Variants in P3H1 observed in about 807,000 individuals in gnomAD.
P3H1 encodes the protein prolyl 3-hydroxylase 1.
A neutral mutation model predicts 84.0 loss-of-function variants in P3H1; 69 were observed. That is an observed-to-expected ratio of 0.82 (90% CI 0.68 to 1.00). The LOEUF is 1.00. Ranked by LOEUF, P3H1 falls within the 50% of genes least tolerant of loss-of-function variation. P3H1 has a pLI of 0.00. For synonymous variants in P3H1, 366 were observed against 388.8 expected (o/e 0.94, Z 0.69); for missense variants, 878 against 962.8 (o/e 0.91, Z 1.17).
At chr1:42,759,135 T>G in intron 3 of P3H1, 66 bp downstream of exon 3, 1 of 1,579,724 alleles carries the variant, frequency 6.3e-7, no homozygotes, top group South Asian at 1.1e-5. Context: ...CCCATTTATA[T>G]TATCAGATGG....
chr1:42,750,730 G>GCTCC (rs1652012412), intron 10 of P3H1, among the ~76,000 whole-genome samples: 2 of 144,020 alleles, frequency 1.4e-5, no homozygotes, highest in Non-Finnish European at 3.1e-5. Flanking sequence ...CGCCCTGTCC[G>GCTCC]GGAGGTGAGG....
At chr1:42,763,552 A>T (rs1050471679) in intron 1 of P3H1, among the ~76,000 whole-genome samples, 9 of 151,576 alleles carry the variant, frequency 5.9e-5, no homozygotes, top group African/African-American at 1.9e-4. Flanking sequence ...CACACCCGTA[A>T]TCCCAGCTTC....
rs776251290 is a variant in P3H1, at chr1:42,754,962, A to T, written c.1252T>A (p.Ser418Thr). Residue 418 changes from serine to threonine, a missense_variant, in exon 8 of 15, where the codon TCC becomes ACC. Transcript: ENST00000296388. The surrounding 1 kb of genome is among the most constrained non-coding windows in gnomAD (Gnocchi z 4.0). ...KSERETAVRI[S>T]QEIGNLMKEI... Reference sequence around the variant, plus strand: ...TTCATAAGGTTCCCAATCTCCTGGGAGATGCGTACGGCTGTTTCCCGTTCT... The same window carrying T: ...TTCATAAGGTTCCCAATCTCCTGGGTGATGCGTACGGCTGTTTCCCGTTCT... 12 of 1,614,160 alleles carry T rather than the reference A, an allele frequency of 7.4e-6. No individual in the cohort carries two copies. Among genetic ancestry groups the T allele is most frequent in the Non-Finnish European group, 1.0e-5 (12 of 1,180,038 alleles).
Position 42,746,850 on chromosome 1 carries a change from G to A in P3H1, c.2058C>T (p.Asp686=). The change falls in exon 15 of 15, where the codon GAC becomes GAT. Residue 686 remains aspartate (D), a splice_region_variant and synonymous_variant. Coordinates refer to ENST00000296388, the MANE Select transcript of P3H1 (RefSeq NM_022356.4). ...TCACCAGGTCATCTGCCTGCACCCT[G>A]TCCTGCAAGGACAAACCCCTGCCCA... The part of the protein sequence containing the change: ...FTLDPRHSER[D]RVQADDLVKM... 6.2e-7 allele frequency: 1 copy of A among 1,614,024 alleles called. No homozygotes were observed. The highest frequency in any genetic ancestry group is 8.5e-7 in the Non-Finnish European group (1 of 1,179,974).
intron 2 of P3H1, 184 bp downstream of exon 2, chr1:42,762,139 T>C (rs935036913): frequency 1.7e-6 from 1 of 598,548 alleles, no homozygotes; most frequent in Non-Finnish European, 3.0e-6. Flanking sequence ...AACAAAAGAA[T>C]GCATGCCTGT....
intron 10 of P3H1, chr1:42,751,934 A>C (rs1488903895): frequency 5.4e-6 from 2 of 369,810 alleles, no homozygotes; most frequent in East Asian, 6.6e-5. Context: ...CCCCTACTAT[A>C]TTCCTCTTCC....
Position 42,758,841 on chromosome 1 carries a change from G to C in P3H1, c.940+11C>G. The stretch of plus-strand genomic sequence containing the variant: ...AGCCAGCAGAGAAAGAGGAAGGAAA[G>C]TAGGCCTTACTGTTATAGTAGGCAA... On this transcript the variant is annotated intron_variant, in intron 4 of 14. Coordinates refer to ENST00000296388, the MANE Select transcript of P3H1 (RefSeq NM_022356.4). The C allele has an allele frequency of 6.2e-7, 1 of 1,614,092 alleles. No individual in the cohort carries two copies. Among genetic ancestry groups the C allele is most frequent in the Non-Finnish European group, 8.5e-7 (1 of 1,179,944 alleles).
At chr1:42,758,312 G>T (rs1652513855) in intron 4 of P3H1, among the ~76,000 whole-genome samples, 1 of 152,118 alleles carries the variant, frequency 6.6e-6, no homozygotes, top group Non-Finnish European at 1.5e-5. Context: ...TAGATTTTCA[G>T]AAGACAAGGA....
intron 2 of P3H1, chr1:42,761,010 C>G (rs369275303): frequency 1.6e-5 from 2 of 122,406 alleles, no homozygotes; most frequent in South Asian, 2.6e-4. Context: ...GTTGCTCTGT[C>G]ACCCAGGCTG....
In P3H1 at chr1:42,754,819, G is replaced by C; in HGVS notation, c.1345+50C>G. 1 of 1,613,410 alleles carries C rather than the reference G, an allele frequency of 6.2e-7. No individual in the cohort carries two copies. The highest frequency in any genetic ancestry group is 8.5e-7 in the Non-Finnish European group (1 of 1,179,590). ...CTGCCTGGCAAATGTGGGGTGACCT[G>C]CCTGGCTCCCTGACAACAGCCAGAC... On this transcript the variant is annotated intron_variant, in intron 8 of 14. Transcript: ENST00000296388. This position sits in a 1 kb window ranked among gnomAD's most constrained non-coding sequence, Gnocchi z 4.0.
intron 2 of P3H1, chr1:42,759,965 G>A (rs76549982): frequency 2.0e-5 from 3 of 147,768 alleles, no homozygotes; most frequent in Non-Finnish European, 4.4e-5. Context: ...CCCCCCATTA[G>A]TGACAGATTC....
chr1:42,747,698 G>C, intron 13 of P3H1, 25 bp downstream of exon 13: 1 of 1,612,004 alleles, frequency 6.2e-7, no homozygotes, highest in Non-Finnish European at 8.5e-7. Flanking sequence ...TTATCTCCCA[G>C]GGACAAGGAC....
Position 42,757,885 on chromosome 1 carries a change from G to T in P3H1, c.978C>A (p.Thr326=). 1 of 1,614,194 alleles carries T rather than the reference G, an allele frequency of 6.2e-7. No homozygotes were observed. Among genetic ancestry groups the T allele is most frequent in the Non-Finnish European group, 8.5e-7 (1 of 1,180,034 alleles). ...NYTQAVECAK[T]YLLFFPNDEV... Reference sequence around the variant, plus strand: ...CGTCATTGGGGAAGAAGAGAAGATAGGTCTTGGCACATTCAACAGCCTGTG... The same window carrying T: ...CGTCATTGGGGAAGAAGAGAAGATATGTCTTGGCACATTCAACAGCCTGTG... The change falls in exon 5 of 15, where the codon ACC becomes ACA. Residue 326 remains threonine (T), a synonymous_variant. Transcript: ENST00000296388.
intron 7 of P3H1, 84 bp from the exon 8 acceptor site, chr1:42,755,074 C>A: frequency 1.2e-6 from 2 of 1,613,452 alleles, no homozygotes; most frequent in South Asian, 1.1e-5. Context: ...CCTGCCCACC[C>A]CTTGCCAGGA....
chr1:42,753,968 T>G (rs1652247562), intron 8 of P3H1, among the ~76,000 whole-genome samples: 1 of 150,528 alleles, frequency 6.6e-6, no homozygotes, highest in African/African-American at 2.4e-5. Context: ...ATATCTCAGA[T>G]GCCCTCATGG....
At chr1:42,748,092 A>G in intron 12 of P3H1, 108 bp downstream of exon 12, 1 of 817,082 alleles carries the variant, frequency 1.2e-6, no homozygotes, top group Non-Finnish European at 2.1e-6. Context: ...GGGAACAGCT[A>G]GCCCCAACCA....
intron 10 of P3H1, among the ~76,000 whole-genome samples, chr1:42,750,961 C>T (rs1409286898): frequency 8.8e-5 from 10 of 113,196 alleles, no homozygotes; most frequent in Admixed American, 1.7e-4. Context: ...GTCAGCCCCC[C>T]GCCCGGCCAG....
At position 42,759,323 on chromosome 1, in the gene P3H1, T is replaced by C; in HGVS notation, c.686A>G (p.Glu229Gly). Residue 229 changes from glutamate (E) to glycine (G), a missense_variant, in exon 3 of 15, where the codon GAG becomes GGG. Physicochemically the swap from Glu to Gly is moderately conservative, Grantham distance 98. Transcript: ENST00000296388. ...CACAAAGTATTCTTGCAGCGCCGCC[T>C]CTAGGTGGGGCACAGCTTCCTGTGG... Reference protein sequence around the residue: ...EQPQEAVPHLEAALQEYFVAY... With the variant: ...EQPQEAVPHLGAALQEYFVAY... 1 of 1,614,182 alleles carries C rather than the reference T, an allele frequency of 6.2e-7. No individual in the cohort carries two copies. The highest frequency in any genetic ancestry group is 8.5e-7 in the Non-Finnish European group (1 of 1,180,028).
chr1:42,751,926 C>G (rs1436452052), intron 10 of P3H1: 1 of 364,910 alleles, frequency 2.7e-6, no homozygotes, highest in Non-Finnish European at 5.3e-6. Context: ...GCCCAATACC[C>G]CTACTATATT....
Sources: allele counts gnomAD v4.1 joint callset (sites outside exome capture counted in the v4.1 genomes callset), GRCh38; gene constraint gnomAD v4.1.1; non-coding constraint Gnocchi (gnomAD v3.1); transcripts MANE v1.5; gene names NCBI Gene and HGNC (gene_info 2026-07-23, HGNC 2026-07-21).